Variants in DISP1 observed in about 807,000 individuals in gnomAD.
DISP1 encodes protein dispatched homolog 1.
A neutral mutation model predicts 37.3 loss-of-function variants in DISP1; 30 were observed. The observed-to-expected ratio is 0.80, with a 90% CI of 0.60 to 1.09. The LOEUF (loss-of-function observed/expected upper bound fraction) is 1.09. Among genes scored for constraint, DISP1 ranks in the 50% least tolerant of loss-of-function variants. The pLI, the probability that DISP1 is intolerant of heterozygous loss-of-function variation, is 0.00. For missense variants in DISP1, 1,598 were observed against 1,879.5 expected, an observed-to-expected ratio of 0.85 and a Z score of 2.77; for synonymous variants, 634 against 690.2, an observed-to-expected ratio of 0.92 and a Z score of 1.28.
At chr1:222,845,290 C>G (rs1667837048) in intron 1 of DISP1, among the ~76,000 whole-genome samples, 1 of 152,056 alleles carries the variant, frequency 6.6e-6, no homozygotes, top group Non-Finnish European at 1.5e-5. Context: ...GATTCTTCAT[C>G]CGTTCATTTG....
chr1:222,818,412 T>C (rs1249007955), intron 1 of DISP1, among the ~76,000 whole-genome samples: 1 of 152,192 alleles, frequency 6.6e-6, no homozygotes, highest in Non-Finnish European at 1.5e-5. Flanking sequence ...TCCCACCTCT[T>C]GTGTGAATGA....
chr1:222,836,036 A>T (rs1666940553), intron 1 of DISP1, among the ~76,000 whole-genome samples: 1 of 152,136 alleles, frequency 6.6e-6, no homozygotes, highest in Admixed American at 6.5e-5. Context: ...AGTAGCAAAT[A>T]GAGCTTTTAG....
intron 3 of DISP1, among the ~76,000 whole-genome samples, chr1:222,943,871 A>G (rs1265543399): frequency 6.6e-6 from 1 of 152,178 alleles, no homozygotes; most frequent in Non-Finnish European, 1.5e-5. Flanking sequence ...TCTACTAAAA[A>G]TACAAAAAAT....
rs200714482 is a variant in DISP1 at position 223,004,596 on chromosome 1, G to C, written c.3199G>C (p.Asp1067His). The part of the protein sequence containing the change: ...GVAYRLAPDP[D>H]REGKVIFSLS... ...TGCCTACCGCTTGGCTCCAGATCCC[G>C]ACCGAGAAGGCAAAGTGATCTTCTC... The change falls in exon 9 of 9, where the codon GAC (aspartate) becomes CAC (histidine). Residue 1067 changes from aspartate to histidine, a missense_variant. Physicochemically the swap from Asp to His is moderately conservative, Grantham distance 81. Coordinates refer to ENST00000675850, the MANE Select transcript of DISP1 (RefSeq NM_001377229.1). The surrounding 1 kb of genome is among the most constrained non-coding windows in gnomAD (Gnocchi z 4.9). The C allele has an allele frequency of 5.6e-6, 9 of 1,614,000 alleles. No individual in the cohort carries two copies. The African/African-American group carries it at 1.2e-4, about 22-fold the overall frequency.
intron 1 of DISP1, among the ~76,000 whole-genome samples, chr1:222,903,217 A>G (rs1176315262): frequency 1.4e-5 from 2 of 148,104 alleles, no homozygotes; most frequent in Admixed American, 7.0e-5. Flanking sequence ...CAAACACCAC[A>G]TGTTCTCACT....
At chr1:222,865,921 G>T (rs1669159969) in intron 1 of DISP1, among the ~76,000 whole-genome samples, 1 of 152,148 alleles carries the variant, frequency 6.6e-6, no homozygotes, top group Non-Finnish European at 1.5e-5. Flanking sequence ...TCCCTTAGGG[G>T]CCGGCCCCCT....
intron 5 of DISP1, 38 bp from the exon 6 acceptor site, chr1:222,991,482 A>G: frequency 1.2e-6 from 2 of 1,612,976 alleles, no homozygotes; most frequent in Non-Finnish European, 8.5e-7. Flanking sequence ...TTAGCCTGAA[A>G]TGAAATATAC....
chr1:222,957,601 AAAAAT>A (rs1302984399), intron 3 of DISP1, among the ~76,000 whole-genome samples: 2 of 152,128 alleles, frequency 1.3e-5, no homozygotes, highest in Admixed American at 1.3e-4. Context: ...TAAAAAAATA[AAAAAT>A]AAAATAAAGG....
intron 1 of DISP1, among the ~76,000 whole-genome samples, chr1:222,884,991 T>TA (rs1670502819): frequency 6.6e-6 from 1 of 152,040 alleles, no homozygotes; most frequent in African/African-American, 2.4e-5. Context: ...CGCCCGCCAC[T>TA]ACGCCCGGCT....
chr1:222,888,600 T>C (rs1185888391), intron 1 of DISP1, among the ~76,000 whole-genome samples: 1 of 152,164 alleles, frequency 6.6e-6, no homozygotes, highest in East Asian at 1.9e-4. Context: ...TTTTGAGTTA[T>C]GTAGTGCGTT....
Position 222,992,098 on chromosome 1 carries a change from T to A in DISP1, c.877T>A (p.Cys293Ser). The A allele has an allele frequency of 6.2e-7, 1 of 1,613,410 alleles. No homozygotes were observed. Among genetic ancestry groups the A allele is most frequent in the Non-Finnish European group, 8.5e-7 (1 of 1,179,342 alleles). ...GAACTTCCACAAGGACAGCTTTTTCTGCGACGTTCCAAGTGAGTGACATTG... is the reference window on the plus strand; with the variant it reads ...GAACTTCCACAAGGACAGCTTTTTCAGCGACGTTCCAAGTGAGTGACATTG... ...DWNFHKDSFF[C>S]DVPSDRYSRV... The change falls in exon 7 of 9, where the codon TGC becomes AGC. Residue 293 changes from cysteine to serine, a missense_variant. Coordinates refer to ENST00000675850, the MANE Select transcript of DISP1 (RefSeq NM_001377229.1).
intron 3 of DISP1, among the ~76,000 whole-genome samples, chr1:222,950,480 G>A (rs1675133363): frequency 6.6e-6 from 1 of 151,998 alleles, no homozygotes; most frequent in Non-Finnish European, 1.5e-5. Flanking sequence ...GGCACCTGTA[G>A]TCCCAGCTAC....
At chr1:222,843,984 G>A (rs778087979) in intron 1 of DISP1, among the ~76,000 whole-genome samples, 11 of 152,136 alleles carry the variant, frequency 7.2e-5, no homozygotes, top group Non-Finnish European at 1.3e-4. Context: ...ATGGAATTAC[G>A]ATAGTCCTTA....
At chr1:222,980,139 C>T (rs1210965012) in intron 3 of DISP1, among the ~76,000 whole-genome samples, 1 of 152,188 alleles carries the variant, frequency 6.6e-6, no homozygotes. Flanking sequence ...AAAACTCAGT[C>T]ATAGACAATG....
intron 1 of DISP1, among the ~76,000 whole-genome samples, chr1:222,839,513 C>T (rs939357609): frequency 1.3e-5 from 2 of 152,160 alleles, no homozygotes; most frequent in Non-Finnish European, 2.9e-5. Context: ...TAGTTTCTGA[C>T]AGTTAAACAA....
At chr1:222,846,978 A>T (rs1485789871) in intron 1 of DISP1, among the ~76,000 whole-genome samples, 1 of 152,226 alleles carries the variant, frequency 6.6e-6, no homozygotes, top group Non-Finnish European at 1.5e-5. Context: ...TATTATATAA[A>T]ATGATTAAAA....
chr1:222,936,954 T>TTACA lies in DISP1; in HGVS notation c.-17-5851_-17-5850insCATA, dbSNP rs1673946245. On this transcript the variant is annotated intron_variant, in intron 2 of 8. Transcript: ENST00000675850. ...TGTAATATATATTATATATTACATA[T>TTACA]TATATTATTTATAAATAATATTTTA... Among the ~76,000 whole-genome samples the TTACA allele has an allele frequency of 1.2e-4, 10 of 81,298 alleles. 1 individual carries two copies. Among genetic ancestry groups the TTACA allele is most frequent in the Admixed American group, 9.1e-4 (5 of 5,514 alleles). 53.3% of individuals were successfully genotyped at this position (81,298 alleles called of 152,430 possible). A position where few individuals can be genotyped will look rare whatever the true frequency, so the allele number is the denominator to read the frequency against.
intron 4 of DISP1, among the ~76,000 whole-genome samples, chr1:222,988,600 TTC>T (rs963374308): frequency 1.3e-5 from 2 of 151,808 alleles, no homozygotes; most frequent in African/African-American, 4.8e-5. Context: ...TTTTCTTCCT[TTC>T]TCTCTCTTCT....
At chr1:222,947,014 G>A (rs1332653400) in intron 3 of DISP1, among the ~76,000 whole-genome samples, 1 of 152,090 alleles carries the variant, frequency 6.6e-6, no homozygotes, top group East Asian at 1.9e-4. Context: ...TTTTATTGTG[G>A]TGAAATATAC....
Sources: allele counts gnomAD v4.1 joint callset (sites outside exome capture counted in the v4.1 genomes callset), GRCh38; gene constraint gnomAD v4.1.1; non-coding constraint Gnocchi (gnomAD v3.1); transcripts MANE v1.5; gene names NCBI Gene and HGNC (gene_info 2026-07-23, HGNC 2026-07-21).